UMPS: variants seen among roughly 807,000 people sequenced by gnomAD.
The protein encoded by UMPS is uridine 5'-monophosphate synthase.
UMPS carries 21 observed loss-of-function variants against 38.9 expected under a neutral mutation model. The observed-to-expected ratio is 0.54, with a 90% CI of 0.38 to 0.78. The LOEUF is 0.78. UMPS is among the 30% of genes least tolerant of loss of function. The pLI, the probability that UMPS is intolerant of heterozygous loss-of-function variation, is 0.00. For missense variants in UMPS, 533 were observed against 591.6 expected, an observed-to-expected ratio of 0.90 and a Z score of 1.03; for synonymous variants, 208 against 219.3, an observed-to-expected ratio of 0.95 and a Z score of 0.45.
At chr3:124,730,741 G>A in intron 1 of UMPS, 114 bp downstream of exon 1, 1 of 1,259,166 alleles carries the variant, frequency 7.9e-7, no homozygotes. Flanking sequence ...CAAGCAGGCA[G>A]ACCGACCCTA....
Position 124,748,152 on chromosome 3 carries a change from A to C in UMPS, c.*4068A>C, listed in dbSNP as rs1045134725. 4 of 440,300 alleles carry C rather than the reference A, an allele frequency of 9.1e-6. No homozygotes were observed. Among genetic ancestry groups the C allele is most frequent in the African/African-American group, 8.1e-5 (4 of 49,094 alleles). 27.3% of individuals were successfully genotyped at this position (440,300 alleles called of 1,614,324 possible). A position where few individuals can be genotyped will look rare whatever the true frequency, so the allele number is the denominator to read the frequency against. On this transcript the variant is annotated 3_prime_UTR_variant, in exon 6 of 6. Coordinates refer to ENST00000232607, the MANE Select transcript of UMPS (RefSeq NM_000373.4). ...ACTATATTGCCCAGGCTGGTCTCGA[A>C]CTCCTTAGCTCAAGTGATCCTCCTG... is the stretch of plus-strand genomic sequence containing the variant.
chr3:124,731,582 C>T, intron 1 of UMPS: 1 of 383,448 alleles, frequency 2.6e-6, no homozygotes, highest in Non-Finnish European at 5.2e-6. Flanking sequence ...AACTCCTGGG[C>T]TTAAGAGATC....
chr3:124,731,439 G>T, intron 1 of UMPS: 1 of 370,878 alleles, frequency 2.7e-6, no homozygotes, highest in South Asian at 2.2e-5. Context: ...CCTGGAATGT[G>T]TGATACAAAG....
At chr3:124,735,034 T>A (rs1158025651) in intron 1 of UMPS, 59 bp from the exon 2 acceptor site, 1 of 1,464,878 alleles carries the variant, frequency 6.8e-7, no homozygotes, top group Non-Finnish European at 9.2e-7. Flanking sequence ...AAATAAAAAA[T>A]ATAAAATAAA....
chr3:124,742,010 G>A (rs1206325855), intron 4 of UMPS, 142 bp from the exon 5 acceptor site: 4 of 726,060 alleles, frequency 5.5e-6, no homozygotes, highest in African/African-American at 3.6e-5. Context: ...GAGCCCAGGG[G>A]TTCAAGACCA....
At chr3:124,740,572 C>T (rs1267862475) in intron 4 of UMPS, among the ~76,000 whole-genome samples, 2 of 152,140 alleles carry the variant, frequency 1.3e-5, no homozygotes, top group Non-Finnish European at 2.9e-5. Context: ...CCAAGTCCTA[C>T]AGAGATGCAC....
Position 124,748,122 on chromosome 3 carries a change from ATAAT to A in UMPS, c.*4039_*4042del, listed in dbSNP as rs758535148. The A allele has an allele frequency of 1.8e-5, 7 of 382,580 alleles. No individual in the cohort carries two copies. The highest frequency in any genetic ancestry group is 3.5e-5 in the Non-Finnish European group (7 of 201,716). 23.7% of individuals were successfully genotyped at this position (382,580 alleles called of 1,614,324 possible). A position where few individuals can be genotyped will look rare whatever the true frequency, so the allele number is the denominator to read the frequency against. On this transcript the variant is annotated 3_prime_UTR_variant, in exon 6 of 6. Coordinates refer to ENST00000232607, the MANE Select transcript of UMPS (RefSeq NM_000373.4). ...ATATAATATATAATAGTATATATAAATAATACTATATTGCCCAGGCTGGTCTCGA... is the reference window on the plus strand; with the variant it reads ...ATATAATATATAATAGTATATATAAAACTATATTGCCCAGGCTGGTCTCGA...
chr3:124,749,019 T>C lies in UMPS; in HGVS notation c.*4935T>C. 2.2e-6 allele frequency: 1 copy of C among 454,052 alleles called. No individual in the cohort carries two copies. Among genetic ancestry groups the C allele is most frequent in the South Asian group, 1.6e-5 (1 of 64,470 alleles). 28.1% of individuals were successfully genotyped at this position (454,052 alleles called of 1,614,324 possible). A position where few individuals can be genotyped will look rare whatever the true frequency, so the allele number is the denominator to read the frequency against. ...GTGCCCTTGTGCACAGACAGCTCCA[T>C]AGTCCTGCCTCCAATGTCCCAACAC... On this transcript the variant is annotated 3_prime_UTR_variant, in exon 6 of 6. Transcript: ENST00000232607.
chr3:124,731,277 A>G (rs184007759), intron 1 of UMPS, among the ~76,000 whole-genome samples: 102 of 152,276 alleles, frequency 6.7e-4, no homozygotes, highest in African/African-American at 2.2e-3. Context: ...TACTGGTGAG[A>G]AAAGGAAAAT....
chr3:124,747,662 G>A lies in UMPS; in HGVS notation c.*3578G>A, dbSNP rs895097649. Reference sequence around the variant, plus strand: ...AGTGCATGCCATGGAGTTCCAGGGTGGTTTATTACACGGCAATATCTAGCT... The same window carrying A: ...AGTGCATGCCATGGAGTTCCAGGGTAGTTTATTACACGGCAATATCTAGCT... On this transcript the variant is annotated 3_prime_UTR_variant, in exon 6 of 6. Transcript: ENST00000232607. 4.4e-6 allele frequency: 2 copies of A among 453,124 alleles called. No individual in the cohort carries two copies. Among genetic ancestry groups the A allele is most frequent in the Admixed American group, 2.3e-5 (1 of 42,568 alleles). 28.1% of individuals were successfully genotyped at this position (453,124 alleles called of 1,614,324 possible). A position where few individuals can be genotyped will look rare whatever the true frequency, so the allele number is the denominator to read the frequency against.
intron 4 of UMPS, 71 bp downstream of exon 4, chr3:124,740,270 T>G: frequency 1.4e-6 from 2 of 1,468,224 alleles, no homozygotes; most frequent in Non-Finnish European, 9.2e-7. Context: ...AGATATCTCC[T>G]AATCTGGCGT....
chr3:124,740,227 G>A lies in UMPS; in HGVS notation c.1158+28G>A, dbSNP rs199743905. On this transcript the variant is annotated intron_variant, in intron 4 of 5. Transcript: ENST00000232607. ...AAGTGGTGGGGGGACTGGGTGAGAGGGGGCAGGGGCTGCTATGCTGCATGC... is the reference window on the plus strand; with the variant it reads ...AAGTGGTGGGGGGACTGGGTGAGAGAGGGCAGGGGCTGCTATGCTGCATGC... 136 of 1,584,930 alleles carry A rather than the reference G, an allele frequency of 8.6e-5. 1 individual carries two copies. In the Admixed American group the frequency reaches 2.2e-3, roughly 26 times the overall value.
Position 124,748,318 on chromosome 3 carries a change from T to C in UMPS, c.*4234T>C, listed in dbSNP as rs1472172423. On this transcript the variant is annotated 3_prime_UTR_variant, in exon 6 of 6. Transcript: ENST00000232607. ...GGATTACAGGATGTAGAATGCCATA[T>C]TTTTCTTAGATCATAGGGCCTTTCA... 6.6e-6 allele frequency: 3 copies of C among 453,932 alleles called. No individual in the cohort carries two copies. Among genetic ancestry groups the C allele is most frequent in the East Asian group, 1.4e-4 (2 of 14,408 alleles). 28.1% of individuals were successfully genotyped at this position (453,932 alleles called of 1,614,324 possible). A position where few individuals can be genotyped will look rare whatever the true frequency, so the allele number is the denominator to read the frequency against.
In UMPS at chr3:124,746,788, T is replaced by C. The variant is rs530673867; in HGVS notation, c.*2704T>C. On this transcript the variant is annotated 3_prime_UTR_variant, in exon 6 of 6. Transcript: ENST00000232607. ...GTGTGTGTGTGTGTGTGTGTGTGTG[T>C]GTGTGTGTGCATGCGCGCGCGTGCG... The C allele has an allele frequency of 1.1e-5, 4 of 380,618 alleles. No homozygotes were observed. Among genetic ancestry groups the C allele is most frequent in the Middle Eastern group, 8.7e-4 (1 of 1,152 alleles). 23.6% of individuals were successfully genotyped at this position (380,618 alleles called of 1,614,324 possible). A position where few individuals can be genotyped will look rare whatever the true frequency, so the allele number is the denominator to read the frequency against.
Position 124,739,969 on chromosome 3 carries a change from C to G in UMPS, c.983-55C>G, listed in dbSNP as rs694897. On this transcript the variant is annotated intron_variant, in intron 3 of 5. Coordinates refer to ENST00000232607, the MANE Select transcript of UMPS (RefSeq NM_000373.4). ...ATTGTAGTTGGTTGGTTGGACAAGA[C>G]GTTAGAGGTTTTGTTTGAAAATCAG... The G allele has an allele frequency of 0.62, 976,879 of 1,573,044 alleles. 304,475 individuals carry two copies. The highest frequency in any genetic ancestry group is 0.74 in the Admixed American group (44,284 of 59,752).
At chr3:124,743,489 T>C (rs1429244207) in intron 5 of UMPS, among the ~76,000 whole-genome samples, 1 of 150,276 alleles carries the variant, frequency 6.7e-6, no homozygotes, top group Non-Finnish European at 1.5e-5. Context: ...ATACAAAAAA[T>C]TAGCCAGGCG....
At position 124,737,964 on chromosome 3, in the gene UMPS, TC is replaced by T; in HGVS notation, c.709del (p.His237ThrfsTer33). ...GGTGCACGTGCAGAGCTGCCCAGGA[TC>T]CACCCAGTTGCATCGAAGCTTCTCA... ...SFGARAELPR[I>X]HPVASKLLRL... On this transcript the variant is annotated frameshift_variant, in exon 3 of 6. Coordinates refer to ENST00000232607, the MANE Select transcript of UMPS (RefSeq NM_000373.4). LOFTEE classifies it high-confidence loss of function. 6.2e-7 allele frequency: 1 copy of T among 1,614,206 alleles called. No individual in the cohort carries two copies.
chr3:124,735,326 T>G, intron 2 of UMPS, 80 bp downstream of exon 2: 1 of 1,335,980 alleles, frequency 7.5e-7, no homozygotes, highest in Non-Finnish European at 1.1e-6. Flanking sequence ...TTCTGTGCAC[T>G]AATGTTTTAC....
Position 124,747,336 on chromosome 3 carries a change from G to A in UMPS, c.*3252G>A, listed in dbSNP as rs1446818859. 8.8e-6 allele frequency: 4 copies of A among 455,084 alleles called. No homozygotes were observed. In the East Asian group the frequency reaches 2.8e-4, roughly 32 times the overall value. 28.2% of individuals were successfully genotyped at this position (455,084 alleles called of 1,614,324 possible). A position where few individuals can be genotyped will look rare whatever the true frequency, so the allele number is the denominator to read the frequency against. On this transcript the variant is annotated 3_prime_UTR_variant, in exon 6 of 6. Coordinates refer to ENST00000232607, the MANE Select transcript of UMPS (RefSeq NM_000373.4). Reference sequence around the variant, plus strand: ...CTGTCAGGGGTGCAGCCACAGGAGAGCCAACAGCAGAGGGTGCTGGCCGCT... The same window carrying A: ...CTGTCAGGGGTGCAGCCACAGGAGAACCAACAGCAGAGGGTGCTGGCCGCT...
Sources: gnomAD v4.1 joint callset for allele counts (sites outside exome capture counted in the v4.1 genomes callset) on GRCh38, gnomAD v4.1.1 for gene constraint, MANE v1.5 for transcripts, NCBI Gene and HGNC (gene_info 2026-07-23, HGNC 2026-07-21) for gene names.